CD109: variants seen among roughly 807,000 people sequenced by gnomAD.
CD109 encodes CD109 antigen.
A neutral mutation model predicts 165.8 loss-of-function variants in CD109; 149 were observed. The observed-to-expected ratio is 0.90, with a 90% CI of 0.79 to 1.03. The LOEUF (loss-of-function observed/expected upper bound fraction) is 1.03. Among genes scored for constraint, CD109 ranks in the 50% least tolerant of loss-of-function variants. CD109 has a pLI of 0.00. For synonymous variants in CD109, 585 were observed against 592.1 expected, an observed-to-expected ratio of 0.99 and a Z score of 0.18; for missense variants, 1,712 against 1,677.8, an observed-to-expected ratio of 1.02 and a Z score of -0.36.
chr6:73,707,962 T>TATA (rs1771349408), intron 2 of CD109, among the ~76,000 whole-genome samples: 2 of 126,798 alleles, frequency 1.6e-5, no homozygotes, highest in African/African-American at 3.3e-5. Context: ...ATTGTTATCT[T>TATA]TATATATATA....
intron 5 of CD109, among the ~76,000 whole-genome samples, chr6:73,755,500 C>G (rs1263854968): frequency 6.6e-6 from 1 of 152,038 alleles, no homozygotes; most frequent in Non-Finnish European, 1.5e-5. Flanking sequence ...TTAGATTAAC[C>G]AAGGGTACTT....
At chr6:73,748,986 G>A (rs1339069417) in intron 5 of CD109, among the ~76,000 whole-genome samples, 5 of 152,072 alleles carry the variant, frequency 3.3e-5, no homozygotes, top group South Asian at 2.1e-4. Context: ...AATAAAAGAG[G>A]GGAAAAATAG....
intron 24 of CD109, among the ~76,000 whole-genome samples, chr6:73,805,267 C>A (rs536936394): frequency 6.4e-4 from 97 of 152,228 alleles, no homozygotes; most frequent in African/African-American, 2.2e-3. Context: ...GTAACCTTAC[C>A]CCCAACCCTG....
intron 2 of CD109, among the ~76,000 whole-genome samples, chr6:73,722,065 G>T (rs1163458146): frequency 1.3e-5 from 2 of 152,084 alleles, no homozygotes; most frequent in African/African-American, 4.8e-5. Flanking sequence ...TAATATTTTG[G>T]TTGAGAAAAT....
intron 23 of CD109, among the ~76,000 whole-genome samples, chr6:73,800,702 T>G (rs1775331567): frequency 6.6e-6 from 1 of 152,230 alleles, no homozygotes. Context: ...ATATTAAGAT[T>G]TGTTTTTATA....
At chr6:73,721,239 C>A (rs1486558887) in intron 2 of CD109, among the ~76,000 whole-genome samples, 2 of 152,180 alleles carry the variant, frequency 1.3e-5, no homozygotes, top group Admixed American at 6.5e-5. Flanking sequence ...TTATCTGTTC[C>A]TGAAAACATA....
intron 5 of CD109, among the ~76,000 whole-genome samples, chr6:73,753,954 T>A (rs1238384377): frequency 6.6e-6 from 1 of 152,188 alleles, no homozygotes; most frequent in African/African-American, 2.4e-5. Flanking sequence ...TTTACTAGGT[T>A]CTGTGCTCTC....
intron 18 of CD109, among the ~76,000 whole-genome samples, chr6:73,783,458 T>C (rs1169806027): frequency 6.6e-6 from 1 of 152,236 alleles, no homozygotes; most frequent in Non-Finnish European, 1.5e-5. Context: ...TCTGAAGATG[T>C]AAATTTTGCA....
At chr6:73,760,185 G>A (rs563586877) in intron 7 of CD109, among the ~76,000 whole-genome samples, 160 of 151,030 alleles carry the variant, frequency 1.1e-3, no homozygotes, top group East Asian at 9.5e-3. Flanking sequence ...AGGCGGGCGG[G>A]TCACAAGGTC....
chr6:73,771,744 G>A (rs779504162), intron 15 of CD109, among the ~76,000 whole-genome samples, 163 bp downstream of exon 15: 23 of 152,180 alleles, frequency 1.5e-4, no homozygotes, highest in South Asian at 4.1e-4. Flanking sequence ...GTATCGTAAT[G>A]GTTATGTTGG....
At chr6:73,804,430 A>G (rs4708089) in intron 24 of CD109, among the ~76,000 whole-genome samples, 87,495 of 152,056 alleles carry the variant, frequency 0.58, 26,301 homozygotes, top group East Asian at 0.8. Context: ...ATTTTGGGCC[A>G]CGTAGAGTCT....
rs1344627898 is a variant in CD109 at position 73,788,575 on chromosome 6, A to G, written c.2664A>G (p.Thr888=). ...TGAGTTTCTCATTTCCTCCTAATAC[A>G]GTGACTGGCAGTGAAAGAGTTCAGA... is the stretch of plus-strand genomic sequence containing the variant. ...KTLSFSFPPN[T]VTGSERVQIT... Residue 888 remains threonine (T), a synonymous_variant, in exon 22 of 33, where the codon ACA becomes ACG. Coordinates refer to ENST00000287097, the MANE Select transcript of CD109 (RefSeq NM_133493.5). The G allele has an allele frequency of 6.2e-7, 1 of 1,613,446 alleles. No individual in the cohort carries two copies. The highest frequency in any genetic ancestry group is 1.7e-5 in the Admixed American group (1 of 59,894).
rs1414486227 is a variant in CD109, at chr6:73,827,053, G to T, written c.*3420G>T. 1 of 152,068 alleles carries T rather than the reference G, an allele frequency of 6.6e-6. No homozygotes were observed. Among genetic ancestry groups the T allele is most frequent in the South Asian group, 2.1e-4 (1 of 4,820 alleles). 9.4% of individuals were successfully genotyped at this position (152,068 alleles called of 1,614,324 possible). ...TTTTTCTTTGTCATTTTTTAAAAAA[G>T]AATTATTTTATTAACCTGCTGGCAT... On this transcript the variant is annotated 3_prime_UTR_variant, in exon 33 of 33. Coordinates refer to ENST00000287097, the MANE Select transcript of CD109 (RefSeq NM_133493.5).
intron 4 of CD109, among the ~76,000 whole-genome samples, chr6:73,731,408 C>T (rs1443532593): frequency 6.6e-6 from 1 of 152,174 alleles, no homozygotes; most frequent in East Asian, 1.9e-4. Context: ...AAAATAAGCC[C>T]ATACAGAGGG....
At chr6:73,791,019 A>G (rs895813855) in intron 22 of CD109, among the ~76,000 whole-genome samples, 2 of 151,244 alleles carry the variant, frequency 1.3e-5, no homozygotes, top group African/African-American at 4.9e-5. Context: ...AGGACCTAAA[A>G]CACTTTTTTA....
At chr6:73,787,541 C>A in intron 21 of CD109, 89 bp downstream of exon 21, 1 of 962,382 alleles carries the variant, frequency 1.0e-6, no homozygotes, top group Non-Finnish European at 1.6e-6. Context: ...AATTTGTTGG[C>A]ATATCTAGTA....
chr6:73,821,377 C>A (rs2150313104), intron 32 of CD109, among the ~76,000 whole-genome samples: 1 of 152,252 alleles, frequency 6.6e-6, no homozygotes, highest in East Asian at 1.9e-4. Flanking sequence ...TGGATATATA[C>A]CCAAAGGACA....
chr6:73,715,953 C>T (rs894947631), intron 2 of CD109, among the ~76,000 whole-genome samples: 1 of 152,170 alleles, frequency 6.6e-6, no homozygotes, highest in Non-Finnish European at 1.5e-5. Context: ...GGTAACCATC[C>T]TTCTACACTC....
chr6:73,785,052 T>A (rs755506517), intron 19 of CD109, among the ~76,000 whole-genome samples: 1 of 152,228 alleles, frequency 6.6e-6, no homozygotes, highest in African/African-American at 2.4e-5. Flanking sequence ...TTTAATTTTC[T>A]TTTCTATAAA....
Sources: gnomAD v4.1 joint callset for allele counts (sites outside exome capture counted in the v4.1 genomes callset) on GRCh38, gnomAD v4.1.1 for gene constraint, MANE v1.5 for transcripts, NCBI Gene and HGNC (gene_info 2026-07-23, HGNC 2026-07-21) for gene names.